Variants in STK24 observed in about 807,000 individuals in gnomAD.
STK24 encodes the protein serine/threonine-protein kinase 24.
A neutral mutation model predicts 55.6 loss-of-function variants in STK24; 21 were observed. That is an observed-to-expected ratio of 0.38 (90% CI 0.27 to 0.54). The LOEUF (loss-of-function observed/expected upper bound fraction) is 0.54, where lower values mean the gene tolerates loss of function less well. Ranked by LOEUF, STK24 falls within the 20% of genes least tolerant of loss-of-function variation. The pLI is 0.79. For missense variants in STK24, 383 were observed against 538.4 expected (o/e 0.71, Z 2.86); for synonymous variants, 200 against 215.2 (o/e 0.93, Z 0.62).
At chr13:98,547,129 G>T (rs1566399160) in intron 1 of STK24, among the ~76,000 whole-genome samples, 1 of 152,118 alleles carries the variant, frequency 6.6e-6, no homozygotes, top group Non-Finnish European at 1.5e-5. Flanking sequence ...AGCCAGGATG[G>T]TCTCGATCTC....
At chr13:98,556,234 G>A (rs1897286737) in intron 1 of STK24, among the ~76,000 whole-genome samples, 1 of 152,226 alleles carries the variant, frequency 6.6e-6, no homozygotes, top group Non-Finnish European at 1.5e-5. Flanking sequence ...GATCAGTCCA[G>A]GGTTAAGGAC....
At chr13:98,474,786 C>G in intron 5 of STK24, 35 bp downstream of exon 5, 11 of 1,569,940 alleles carry the variant, frequency 7.0e-6, no homozygotes, top group Non-Finnish European at 9.5e-6. Context: ...CTCCAGGCCT[C>G]GTGAGGCACG....
chr13:98,493,412 A>T (rs1354770028), intron 2 of STK24, among the ~76,000 whole-genome samples: 7 of 152,234 alleles, frequency 4.6e-5, no homozygotes. Flanking sequence ...TACAACTACA[A>T]ATAACCTAAA....
intron 1 of STK24, among the ~76,000 whole-genome samples, chr13:98,526,910 T>C (rs1180689553): frequency 2.0e-5 from 3 of 152,216 alleles, no homozygotes; most frequent in Non-Finnish European, 4.4e-5. Context: ...CGCGTTTTCA[T>C]GAGACGCTTG....
intron 1 of STK24, among the ~76,000 whole-genome samples, chr13:98,537,457 CAGCTGAGG>C (rs983051588): frequency 1.3e-5 from 2 of 152,180 alleles, no homozygotes; most frequent in Admixed American, 6.5e-5. Flanking sequence ...GAGGCGAGTG[CAGCTGAGG>C]AGCTGAGGCC....
At chr13:98,458,879 A>G (rs775228516) in intron 9 of STK24, among the ~76,000 whole-genome samples, 5 of 152,210 alleles carry the variant, frequency 3.3e-5, no homozygotes, top group Admixed American at 6.5e-5. Context: ...GGGCTTCTAC[A>G]AGTATTGTAT....
chr13:98,457,347 C>G, intron 9 of STK24, 43 bp from the exon 10 acceptor site: 1 of 1,612,904 alleles, frequency 6.2e-7, no homozygotes, highest in Non-Finnish European at 8.5e-7. Flanking sequence ...AGCACACCAG[C>G]TGCAAAACTG....
intron 1 of STK24, among the ~76,000 whole-genome samples, chr13:98,547,158 C>T (rs1186374774): frequency 2.7e-4 from 41 of 152,138 alleles, no homozygotes; most frequent in Non-Finnish European, 5.3e-4. Flanking sequence ...GTGATCCACC[C>T]GCCTCGGCCT....
intron 10 of STK24, chr13:98,456,302 C>T (rs951568967): frequency 5.9e-5 from 21 of 358,666 alleles, no homozygotes; most frequent in African/African-American, 1.5e-4. Flanking sequence ...TCAGGTGGGA[C>T]GCAGTCTCAG....
intron 2 of STK24, among the ~76,000 whole-genome samples, chr13:98,514,486 G>A (rs1431860890): frequency 6.6e-6 from 1 of 152,172 alleles, no homozygotes; most frequent in Non-Finnish European, 1.5e-5. Context: ...AGAGTACTTA[G>A]TTTTCTAAAA....
intron 6 of STK24, among the ~76,000 whole-genome samples, chr13:98,465,803 C>G (rs1196167865): frequency 6.6e-6 from 1 of 152,200 alleles, no homozygotes; most frequent in Non-Finnish European, 1.5e-5. Context: ...ACACTACTTT[C>G]AAAGAAATGT....
In STK24 at chr13:98,462,061, A is replaced by AC. The variant is rs11417523; in HGVS notation, c.930-165dup. On this transcript the variant is annotated intron_variant, in intron 7 of 10. Coordinates refer to ENST00000539966, the MANE Select transcript of STK24 (RefSeq NM_001032296.4). The stretch of plus-strand genomic sequence containing the variant: ...CCAGTCCCTCTGGGATTTCCCAAAG[A>AC]CCCCCCCGCCTCCTCCCTCACAGAG... 9.1e-3 allele frequency among the ~76,000 whole-genome samples: 1,347 copies of AC among 148,340 alleles called. 20 individuals are homozygous for AC. Among genetic ancestry groups the AC allele is most frequent in the African/African-American group, 0.031 (1,235 of 39,966 alleles).
chr13:98,548,886 A>G (rs1897094715), intron 1 of STK24, among the ~76,000 whole-genome samples: 1 of 149,292 alleles, frequency 6.7e-6, no homozygotes, highest in Non-Finnish European at 1.5e-5. Context: ...AAAAAAAAAA[A>G]TAGAGTAAAT....
chr13:98,483,340 C>A (rs935757217), intron 2 of STK24, among the ~76,000 whole-genome samples: 34 of 152,050 alleles, frequency 2.2e-4, no homozygotes, highest in African/African-American at 2.7e-4. Flanking sequence ...GGGGTTCAGA[C>A]GTCAGCCTGC....
At chr13:98,521,397 A>G (rs1342369869) in intron 1 of STK24, among the ~76,000 whole-genome samples, 1 of 152,222 alleles carries the variant, frequency 6.6e-6, no homozygotes, top group African/African-American at 2.4e-5. Flanking sequence ...AACACAGTCC[A>G]AGACTCCTGG....
At chr13:98,458,887 T>C (rs1893581560) in intron 9 of STK24, among the ~76,000 whole-genome samples, 2 of 152,210 alleles carry the variant, frequency 1.3e-5, no homozygotes, top group Non-Finnish European at 1.5e-5. Flanking sequence ...ACAAGTATTG[T>C]ATGAAATAAT....
intron 1 of STK24, among the ~76,000 whole-genome samples, chr13:98,523,098 G>T (rs996904759): frequency 6.6e-6 from 1 of 152,194 alleles, no homozygotes; most frequent in African/African-American, 2.4e-5. Flanking sequence ...GTGGGCCCAA[G>T]AATTGGAATC....
intron 5 of STK24, among the ~76,000 whole-genome samples, chr13:98,471,093 C>A (rs1335970347): frequency 6.6e-6 from 1 of 152,162 alleles, no homozygotes; most frequent in Non-Finnish European, 1.5e-5. Flanking sequence ...CTTCCCTGGC[C>A]CTCAGGGCTC....
chr13:98,456,756 C>T, intron 10 of STK24: 2 of 354,002 alleles, frequency 5.6e-6, no homozygotes, highest in East Asian at 7.5e-5. Context: ...CGCCCGCTCC[C>T]GCTGAGTTGA....
Sources: allele counts gnomAD v4.1 joint callset (sites outside exome capture counted in the v4.1 genomes callset), GRCh38; gene constraint gnomAD v4.1.1; transcripts MANE v1.5; gene names NCBI Gene and HGNC (gene_info 2026-07-23, HGNC 2026-07-21).